Variants in BCKDHB observed in about 807,000 individuals in gnomAD.
BCKDHB encodes 2-oxoisovalerate dehydrogenase subunit beta, mitochondrial.
In BCKDHB, 41 loss-of-function variants were observed where a neutral mutation model predicts 48.5. The ratio of observed to expected loss-of-function variants is 0.85; its 90% CI spans 0.66 to 1.10. The LOEUF is 1.10. Among genes scored for constraint, BCKDHB ranks in the 50% least tolerant of loss-of-function variants. The pLI, the probability that BCKDHB is intolerant of heterozygous loss-of-function variation, is 0.00. For synonymous variants in BCKDHB, 201 were observed against 174.8 expected, an observed-to-expected ratio of 1.15 and a Z score of -1.18; for missense variants, 496 against 494.2, an observed-to-expected ratio of 1.00 and a Z score of -0.03.
Position 80,327,970 on chromosome 6 carries a change from C to A in BCKDHB, c.1039-15694C>A, listed in dbSNP as rs1192582655. Among the ~76,000 whole-genome samples, 3 of 132,050 alleles carry A rather than the reference C, an allele frequency of 2.3e-5. No homozygotes were observed. In the South Asian group the frequency reaches 8.1e-4, roughly 36 times the overall value. The allele number at this position is 132,050 out of a possible 152,430, so 86.6% of individuals were successfully genotyped here. A position where few individuals can be genotyped will look rare whatever the true frequency, so the allele number is the denominator to read the frequency against. ...CCTTTCATTTTTTCTCTGTGACCAT[C>A]TGTATGTTCTTTTCTTTTTGTCTGC... On this transcript the variant is annotated intron_variant, in intron 9 of 9. Coordinates refer to ENST00000320393, the MANE Select transcript of BCKDHB (RefSeq NM_183050.4).
chr6:80,329,505 A>G (rs971991570), intron 9 of BCKDHB, among the ~76,000 whole-genome samples: 4 of 152,154 alleles, frequency 2.6e-5, no homozygotes, highest in African/African-American at 7.2e-5. Context: ...TATGAAGACA[A>G]TCTGTTACTG....
In BCKDHB at chr6:80,307,403, T is replaced by C. The variant is rs559437472; in HGVS notation, c.1038+34182T>C. ...TTTTCCATATTCTAAAATTGAACTGTATCCAATATTAAATCCACCTGCCCC... is the reference window on the plus strand; with the variant it reads ...TTTTCCATATTCTAAAATTGAACTGCATCCAATATTAAATCCACCTGCCCC... On this transcript the variant is annotated intron_variant, in intron 9 of 9. Transcript: ENST00000320393. 77 of 980,388 alleles carry C rather than the reference T, an allele frequency of 7.9e-5. No individual in the cohort carries two copies. In the South Asian group the frequency reaches 3.4e-3, roughly 43 times the overall value. 60.7% of individuals were successfully genotyped at this position (980,388 alleles called of 1,614,324 possible). A position where few individuals can be genotyped will look rare whatever the true frequency, so the allele number is the denominator to read the frequency against.
chr6:80,382,285 C>T, the BCKDHB span, among the ~76,000 whole-genome samples: 1 of 151,912 alleles, frequency 6.6e-6, no homozygotes, highest in African/African-American at 2.4e-5. Context: ...AAATTTTGGT[C>T]CTGATAGAGT....
the BCKDHB span, among the ~76,000 whole-genome samples, chr6:80,409,326 G>A: frequency 6.6e-6 from 1 of 151,694 alleles, no homozygotes; most frequent in Non-Finnish European, 1.5e-5. Context: ...GAATAAGTTC[G>A]ATGAGGTGCT....
At chr6:80,268,285 T>TA (rs1330890820) in intron 8 of BCKDHB, among the ~76,000 whole-genome samples, 1 of 152,122 alleles carries the variant, frequency 6.6e-6, no homozygotes, top group Non-Finnish European at 1.5e-5. Flanking sequence ...ATTCTATCCT[T>TA]AATGATTCTA....
the BCKDHB span, among the ~76,000 whole-genome samples, chr6:80,449,354 T>C: frequency 2.0e-5 from 3 of 152,210 alleles, no homozygotes; most frequent in Non-Finnish European, 2.9e-5. Context: ...GAAAACCTAG[T>C]ATGTTCCAAA....
intron 9 of BCKDHB, among the ~76,000 whole-genome samples, chr6:80,310,641 T>A (rs1323996994): frequency 2.0e-5 from 3 of 152,200 alleles, no homozygotes; most frequent in Non-Finnish European, 2.9e-5. Context: ...CTGGGTCAAA[T>A]GGTATTTCTG....
At chr6:80,324,195 G>A (rs1042791895) in intron 9 of BCKDHB, among the ~76,000 whole-genome samples, 1 of 152,178 alleles carries the variant, frequency 6.6e-6, no homozygotes, top group African/African-American at 2.4e-5. Flanking sequence ...TCAGCAGTGA[G>A]CTGGTTCTCA....
chr6:80,332,339 C>A (rs1029375387), intron 9 of BCKDHB, among the ~76,000 whole-genome samples: 1 of 152,082 alleles, frequency 6.6e-6, no homozygotes, highest in African/African-American at 2.4e-5. Context: ...ATGGCTTGTT[C>A]TGGTATGTGT....
At chr6:80,383,466 CT>C in the BCKDHB span, among the ~76,000 whole-genome samples, 4 of 151,924 alleles carry the variant, frequency 2.6e-5, no homozygotes, top group Admixed American at 2.0e-4. Context: ...AATTTTAAGA[CT>C]TTTTCAAATG....
chr6:80,460,582 T>G, the BCKDHB span, among the ~76,000 whole-genome samples: 4 of 152,122 alleles, frequency 2.6e-5, no homozygotes. Context: ...AAGTTCAGTT[T>G]TTAGGTTTAT....
intron 9 of BCKDHB, among the ~76,000 whole-genome samples, chr6:80,283,632 A>G (rs1226541481): frequency 6.6e-6 from 1 of 152,110 alleles, no homozygotes; most frequent in African/African-American, 2.4e-5. Context: ...GGTGATTTCT[A>G]TGACTTGGTC....
intron 8 of BCKDHB, among the ~76,000 whole-genome samples, chr6:80,212,143 C>T (rs1294346494): frequency 6.6e-6 from 1 of 152,118 alleles, no homozygotes; most frequent in Admixed American, 6.6e-5. Context: ...TGATAAGCAT[C>T]TTAAACAACA....
At chr6:80,218,727 A>G (rs1308562760) in intron 8 of BCKDHB, among the ~76,000 whole-genome samples, 1 of 151,528 alleles carries the variant, frequency 6.6e-6, no homozygotes, top group Non-Finnish European at 1.5e-5. Flanking sequence ...AATGCCCTCT[A>G]CTCCTATATC....
chr6:80,203,131 G>A lies in BCKDHB; in HGVS notation c.870G>A (p.Met290Ile). The A allele has an allele frequency of 6.2e-7, 1 of 1,612,782 alleles. No individual in the cohort carries two copies. Among genetic ancestry groups the A allele is most frequent in the Non-Finnish European group, 8.5e-7 (1 of 1,179,112 alleles). ...QVHVIREVAS[M>I]AKEKLGVSCE... Reference sequence around the variant, plus strand: ...ATGTGATCCGAGAGGTAGCTTCCATGGCAAAAGAAAAGCTTGGAGTGTCTT... The same window carrying A: ...ATGTGATCCGAGAGGTAGCTTCCATAGCAAAAGAAAAGCTTGGAGTGTCTT... The change falls in exon 8 of 10, where the codon ATG becomes ATA. Residue 290 changes from methionine (M) to isoleucine (I), a missense_variant. By Grantham distance (10) the Met-to-Ile change is conservative. Transcript: ENST00000320393.
chr6:80,118,982 T>G (rs1769857457), intron 1 of BCKDHB, among the ~76,000 whole-genome samples: 1 of 152,162 alleles, frequency 6.6e-6, no homozygotes, highest in African/African-American at 2.4e-5. Context: ...TCTCTGAAGT[T>G]TTGAATCCCT....
In BCKDHB at chr6:80,136,752, C is replaced by CA. The variant is rs200577593; in HGVS notation, c.343+7531dup. Among the ~76,000 whole-genome samples the CA allele has an allele frequency of 6.7e-3, 1,009 of 151,438 alleles. 8 individuals are homozygous for CA. Among genetic ancestry groups the CA allele is most frequent in the African/African-American group, 0.023 (930 of 41,324 alleles). The stretch of plus-strand genomic sequence containing the variant: ...TATATGGAGAACTTCTAAAACTCTA[C>CA]AAAAAAAACCCCAATCAATTAAAAA... On this transcript the variant is annotated intron_variant, in intron 3 of 9. Coordinates refer to ENST00000320393, the MANE Select transcript of BCKDHB (RefSeq NM_183050.4).
intron 6 of BCKDHB, among the ~76,000 whole-genome samples, chr6:80,188,558 G>A (rs1036588946): frequency 3.3e-5 from 5 of 151,980 alleles, no homozygotes; most frequent in Admixed American, 2.0e-4. Context: ...AAGATCACTC[G>A]AGCCTGGGAG....
intron 8 of BCKDHB, among the ~76,000 whole-genome samples, chr6:80,265,564 A>C (rs983097682): frequency 6.6e-6 from 1 of 152,096 alleles, no homozygotes; most frequent in African/African-American, 2.4e-5. Context: ...ATGAGGAGTT[A>C]TTGTTTAATG....
Sources: allele counts gnomAD v4.1 joint callset (sites outside exome capture counted in the v4.1 genomes callset), GRCh38; gene constraint gnomAD v4.1.1; transcripts MANE v1.5; gene names NCBI Gene and HGNC (gene_info 2026-07-23, HGNC 2026-07-21).